QSER1: variants seen among roughly 807,000 people sequenced by gnomAD.
QSER1 encodes glutamine and serine-rich protein 1.
A neutral mutation model predicts 158.5 loss-of-function variants in QSER1; 49 were observed. The observed-to-expected ratio is 0.31, with a 90% CI of 0.25 to 0.39. The LOEUF is 0.39. QSER1 is among the 10% of genes least tolerant of loss of function. The pLI is 1.00. For synonymous variants in QSER1, 650 were observed against 715.5 expected (o/e 0.91, Z 1.46); for missense variants, 1,754 against 2,010.3 (o/e 0.87, Z 2.44).
Position 32,953,972 on chromosome 11 carries a change from A to C in QSER1, c.4293A>C (p.Ala1431=), listed in dbSNP as rs1291395075. Residue 1431 remains alanine, a synonymous_variant, in exon 5 of 13, where the codon GCA becomes GCC. Transcript: ENST00000650167. ...AACCTCTCCACTCTACTTCATATGC[A>C]GTAAATATTCTGGAAAATATAAGCT... ...KQEPLHSTSY[A]VNILENISSS... 6.2e-7 allele frequency: 1 copy of C among 1,614,192 alleles called. No homozygotes were observed. Among genetic ancestry groups the C allele is most frequent in the East Asian group, 2.2e-5 (1 of 44,878 alleles).
chr11:32,898,482 TCACACACACACACACACACACA>T (rs71034630), intron 1 of QSER1, among the ~76,000 whole-genome samples: 6 of 143,052 alleles, frequency 4.2e-5, no homozygotes, highest in African/African-American at 7.8e-5. Context: ...TGAGAACCTG[TCACACACACACACACACACACA>T]CACACACACA....
chr11:32,939,948 ATTTTTTT>A (rs35359579), intron 4 of QSER1, among the ~76,000 whole-genome samples: 2 of 124,380 alleles, frequency 1.6e-5, no homozygotes, highest in African/African-American at 3.0e-5. Flanking sequence ...GAAGACTGAG[ATTTTTTT>A]TTTTTTTTTT....
chr11:32,976,633 T>C lies in QSER1; in HGVS notation c.*159T>C. The C allele has an allele frequency of 1.3e-6, 1 of 742,214 alleles. No homozygotes were observed. The highest frequency in any genetic ancestry group is 2.2e-6 in the Non-Finnish European group (1 of 455,570). 46.0% of individuals were successfully genotyped at this position (742,214 alleles called of 1,614,324 possible). On this transcript the variant is annotated 3_prime_UTR_variant, in exon 13 of 13. Coordinates refer to ENST00000650167, the MANE Select transcript of QSER1 (RefSeq NM_001076786.3). ...CTGCTGAAGGACAGTGGTGCGGCCT[T>C]TAGGAACGAAGTTAGTCCTCTGGAA...
At chr11:32,923,284 A>G (rs73474594) in intron 1 of QSER1, among the ~76,000 whole-genome samples, 5,744 of 152,260 alleles carry the variant, frequency 0.038, 372 homozygotes, top group African/African-American at 0.13. Flanking sequence ...ACTTGGTGGT[A>G]GGATGGGTTC....
At chr11:32,909,578 T>C (rs748806637) in intron 1 of QSER1, among the ~76,000 whole-genome samples, 14 of 152,114 alleles carry the variant, frequency 9.2e-5, no homozygotes, top group Non-Finnish European at 1.6e-4. Flanking sequence ...TAGCTGGGAC[T>C]ACAGGCGCAC....
At chr11:32,925,332 C>A (rs946565661) in intron 1 of QSER1, among the ~76,000 whole-genome samples, 1 of 152,068 alleles carries the variant, frequency 6.6e-6, no homozygotes, top group African/African-American at 2.4e-5. Flanking sequence ...AATAGCCTTA[C>A]AAACATACAG....
chr11:32,901,326 A>G (rs1163676290), intron 1 of QSER1, among the ~76,000 whole-genome samples: 1 of 152,242 alleles, frequency 6.6e-6, no homozygotes, highest in Non-Finnish European at 1.5e-5. Flanking sequence ...TAAACATTCA[A>G]TGAATGAATG....
At chr11:32,896,666 G>C (rs532724399) in intron 1 of QSER1, among the ~76,000 whole-genome samples, 2 of 152,304 alleles carry the variant, frequency 1.3e-5, no homozygotes, top group Admixed American at 6.5e-5. Context: ...TGGGATTACA[G>C]GTGTGAGCCA....
At position 32,933,118 on chromosome 11, in the gene QSER1, G is replaced by A. The variant is rs563184865; in HGVS notation, c.1860G>A (p.Gln620=). 1.9e-6 allele frequency: 3 copies of A among 1,613,488 alleles called. No individual in the cohort carries two copies. Among genetic ancestry groups the A allele is most frequent in the East Asian group, 4.5e-5 (2 of 44,884 alleles). Residue 620 remains glutamine, a synonymous_variant, in exon 4 of 13, where the codon CAG becomes CAA. Coordinates refer to ENST00000650167, the MANE Select transcript of QSER1 (RefSeq NM_001076786.3). ...AQNLPDSSPT[Q]NYISMHSSQN... ...ATTTGCCAGACTCTAGCCCGACCCA[G>A]AATTATATTTCTATGCATTCTTCCC...
chr11:32,902,878 C>A (rs1405712910), intron 1 of QSER1, among the ~76,000 whole-genome samples: 9 of 152,188 alleles, frequency 5.9e-5, no homozygotes, highest in African/African-American at 1.9e-4. Flanking sequence ...CAAGGAAACT[C>A]AAGCAAAGAG....
Position 32,977,506 on chromosome 11 carries a change from A to G in QSER1, c.*1032A>G, listed in dbSNP as rs183063973. On this transcript the variant is annotated 3_prime_UTR_variant, in exon 13 of 13. Coordinates refer to ENST00000650167, the MANE Select transcript of QSER1 (RefSeq NM_001076786.3). ...ACTTGATTAACTTGTTGAGGTAAAA[A>G]TCTAACTACATTTACATTTTGAAGA... 3 of 152,762 alleles carry G rather than the reference A, an allele frequency of 2.0e-5. No individual in the cohort carries two copies. The highest frequency in any genetic ancestry group is 2.0e-4 in the Admixed American group (3 of 15,296). 9.5% of individuals were successfully genotyped at this position (152,762 alleles called of 1,614,324 possible). A position where few individuals can be genotyped will look rare whatever the true frequency, so the allele number is the denominator to read the frequency against.
chr11:32,934,618 T>G lies in QSER1; in HGVS notation c.3360T>G (p.Ser1120Arg). The G allele has an allele frequency of 5.6e-6, 9 of 1,613,664 alleles. No homozygotes were observed. Among genetic ancestry groups the G allele is most frequent in the Non-Finnish European group, 7.6e-6 (9 of 1,179,972 alleles). Residue 1120 changes from serine to arginine, a missense_variant, in exon 4 of 13, where the codon AGT (serine) becomes AGG (arginine). Transcript: ENST00000650167. The part of the protein sequence containing the change: ...SATNLESEED[S>R]EAPVDSTLNN... ...CCAATCTTGAATCTGAAGAAGACAG[T>G]GAAGCTCCTGTTGATAGTACATTAA...
intron 1 of QSER1, among the ~76,000 whole-genome samples, chr11:32,904,516 GC>G (rs1851666425): frequency 6.6e-6 from 1 of 151,858 alleles, no homozygotes; most frequent in African/African-American, 2.4e-5. Flanking sequence ...TAATGTGCTA[GC>G]CGTGAATATG....
intron 4 of QSER1, among the ~76,000 whole-genome samples, chr11:32,943,170 A>C (rs1429326998): frequency 1.1e-4 from 16 of 152,174 alleles, no homozygotes; most frequent in South Asian, 8.3e-4. Flanking sequence ...ACAATCATGT[A>C]ATCTGCAAAC....
At chr11:32,956,583 G>C (rs144805575) in intron 7 of QSER1, among the ~76,000 whole-genome samples, 129 of 152,218 alleles carry the variant, frequency 8.5e-4, no homozygotes, top group Non-Finnish European at 1.6e-3. Context: ...TGTGACTCTG[G>C]GTTGTCTGGA....
intron 4 of QSER1, among the ~76,000 whole-genome samples, chr11:32,935,936 TA>T (rs1852146362): frequency 6.6e-6 from 1 of 152,362 alleles, no homozygotes; most frequent in South Asian, 2.1e-4. Context: ...TGCACACTAA[TA>T]TAATTAAGAT....
chr11:32,898,539 T>G (rs886965949), intron 1 of QSER1, among the ~76,000 whole-genome samples: 1 of 150,892 alleles, frequency 6.6e-6, no homozygotes, highest in African/African-American at 2.4e-5. Context: ...CATTGTAATG[T>G]GCTCTGTATG....
intron 1 of QSER1, among the ~76,000 whole-genome samples, chr11:32,894,744 G>A (rs1049524334): frequency 6.6e-6 from 1 of 152,174 alleles, no homozygotes; most frequent in African/African-American, 2.4e-5. Flanking sequence ...CAAAAATAAT[G>A]TGATGTGCCA....
chr11:32,972,589 C>A (rs1205334053), intron 10 of QSER1, among the ~76,000 whole-genome samples: 3 of 152,010 alleles, frequency 2.0e-5, no homozygotes, highest in Non-Finnish European at 4.4e-5. Context: ...GTGTGCACCA[C>A]CTCACCCAGC....
Sources: allele counts gnomAD v4.1 joint callset (sites outside exome capture counted in the v4.1 genomes callset), GRCh38; gene constraint gnomAD v4.1.1; transcripts MANE v1.5; gene names NCBI Gene and HGNC (gene_info 2026-07-23, HGNC 2026-07-21).